NDRG2: variants seen among roughly 807,000 people sequenced by gnomAD.
NDRG2 encodes the protein NDRG family member 2.
NDRG2 carries 34 observed loss-of-function variants against 58.2 expected under a neutral mutation model. The observed-to-expected ratio is 0.58, with a 90% CI of 0.44 to 0.78. NDRG2 has a LOEUF of 0.78. Ranked by LOEUF, NDRG2 falls within the 30% of genes least tolerant of loss-of-function variation. The pLI is 0.00. For missense variants in NDRG2, 434 were observed against 471.2 expected (o/e 0.92, Z 0.73); for synonymous variants, 187 against 175.9 (o/e 1.06, Z -0.50).
At chr14:21,018,340 C>G in intron 13 of NDRG2, 101 bp from the exon 14 acceptor site, 1 of 1,602,282 alleles carries the variant, frequency 6.2e-7, no homozygotes, top group Non-Finnish European at 8.5e-7. Flanking sequence ...CACTCTAGCC[C>G]CTTTGTTTTG....
chr14:21,040,280 T>A (rs1181781514), intron 1 of NDRG2, among the ~76,000 whole-genome samples: 1 of 152,172 alleles, frequency 6.6e-6, no homozygotes, highest in Non-Finnish European at 1.5e-5. Context: ...TGCCATCTAG[T>A]GGCATTTCTC....
In NDRG2 at chr14:21,024,470, G is replaced by A. The variant is rs973299372; in HGVS notation, c.-447C>T. 2 of 964,810 alleles carry A rather than the reference G, an allele frequency of 2.1e-6. No individual in the cohort carries two copies. The highest frequency in any genetic ancestry group is 2.5e-6 in the Non-Finnish European group (2 of 811,334). The allele number at this position is 964,810 out of a possible 1,614,324, so 59.8% of individuals were successfully genotyped here. On this transcript the variant is annotated 5_prime_UTR_variant, in exon 1 of 16. Transcript: ENST00000556147. ...TCTATCTGCAGGGGGACTAAACGCG[G>A]GGGAATAGGGGATCCCCAAAATTTT...
At position 21,019,178 on chromosome 14, in the gene NDRG2, G is replaced by C; in HGVS notation, c.717-18C>G. ...CTCGGCGGCTAGAAAGGGGTTAAAA[G>C]AGTAGGAATTTTAGGTGGGCAATGC... On this transcript the variant is annotated intron_variant, in intron 10 of 15. Transcript: ENST00000556147. The C allele has an allele frequency of 6.2e-7, 1 of 1,607,282 alleles. No homozygotes were observed. The highest frequency in any genetic ancestry group is 8.5e-7 in the Non-Finnish European group (1 of 1,177,844).
At chr14:21,044,321 T>C (rs560511643) in intron 1 of NDRG2, 1 of 153,344 alleles carries the variant, frequency 6.5e-6, no homozygotes, top group African/African-American at 2.4e-5. Context: ...CCACTGCTCT[T>C]CCAACCTAGG....
upstream of NDRG2, among the ~76,000 whole-genome samples, chr14:21,028,087 C>T (rs554122921): frequency 6.6e-6 from 1 of 152,246 alleles, no homozygotes; most frequent in Admixed American, 6.5e-5. Flanking sequence ...TAGTAAATGA[C>T]ATATCTAGGA....
chr14:21,058,122 G>T, intron 1 of NDRG2: 1 of 1,614,142 alleles, frequency 6.2e-7, no homozygotes, highest in South Asian at 1.1e-5. Context: ...CCCTTCTCCA[G>T]TGTGGCCATC....
chr14:21,031,572 T>C (rs895094406), intron 1 of NDRG2, among the ~76,000 whole-genome samples: 7 of 152,112 alleles, frequency 4.6e-5, no homozygotes, highest in Non-Finnish European at 1.0e-4. Context: ...CTTTCTACAG[T>C]GGATATTGAG....
intron 1 of NDRG2, among the ~76,000 whole-genome samples, chr14:21,069,760 G>A (rs745873447): frequency 1.3e-5 from 2 of 152,202 alleles, no homozygotes; most frequent in African/African-American, 4.8e-5. Context: ...CCGGCCCTCC[G>A]CTCTCTGCTA....
At position 21,018,448 on chromosome 14, in the gene NDRG2, G is replaced by A; in HGVS notation, c.861+9C>T. On this transcript the variant is annotated intron_variant, in intron 13 of 15. Transcript: ENST00000556147. ...ACTGTGGACGGGGGCCCAGGAACAG[G>A]TTACTGACCTTGAGGAACGAGGTCT... 6.2e-7 allele frequency: 1 copy of A among 1,613,930 alleles called. No individual in the cohort carries two copies. Among genetic ancestry groups the A allele is most frequent in the Non-Finnish European group, 8.5e-7 (1 of 1,179,900 alleles).
chr14:21,067,202 A>T (rs1566513454), intron 1 of NDRG2, among the ~76,000 whole-genome samples: 1 of 152,174 alleles, frequency 6.6e-6, no homozygotes, highest in Non-Finnish European at 1.5e-5. Context: ...GGATAGCACT[A>T]GTTTTCCATA....
At chr14:21,064,993 A>C (rs1886186303) in intron 1 of NDRG2, among the ~76,000 whole-genome samples, 1 of 152,178 alleles carries the variant, frequency 6.6e-6, no homozygotes. Flanking sequence ...CAACATGCTG[A>C]AACCACATTT....
chr14:21,028,606 T>G (rs1883856447), upstream of NDRG2: 1 of 152,128 alleles, frequency 6.6e-6, no homozygotes, highest in Non-Finnish European at 1.5e-5. Flanking sequence ...AGCAAAAAGA[T>G]TTAGCAATGA....
chr14:21,056,716 C>A (rs914084137), intron 1 of NDRG2, among the ~76,000 whole-genome samples: 1 of 152,218 alleles, frequency 6.6e-6, no homozygotes, highest in South Asian at 2.1e-4. Flanking sequence ...TAGCTTGGCG[C>A]CAGCCCAAAG....
At position 21,033,661 on chromosome 14, in the gene NDRG2, T is replaced by C. The variant is rs142126624; in HGVS notation, c.25-10340A>G. The C allele has an allele frequency of 2.0e-4, 126 of 637,312 alleles. 1 individual carries two copies. In the African/African-American group the frequency reaches 2.1e-3, roughly 10 times the overall value. 39.5% of individuals were successfully genotyped at this position (637,312 alleles called of 1,614,324 possible). A position where few individuals can be genotyped will look rare whatever the true frequency, so the allele number is the denominator to read the frequency against. ...TAGAAGATAGCACCACTTTGCATGG[T>C]GATCAAAGCCCTGGACATTTTCGCA... is the stretch of plus-strand genomic sequence containing the variant. On this transcript the variant is annotated intron_variant, in intron 1 of 14. Transcript: ENST00000403829.
intron 1 of NDRG2, among the ~76,000 whole-genome samples, chr14:21,054,410 C>T (rs1190630283): frequency 6.6e-6 from 1 of 152,102 alleles, no homozygotes; most frequent in Non-Finnish European, 1.5e-5. Context: ...AGATGGCATT[C>T]AGTCTTCTTC....
chr14:21,020,806 G>C lies in NDRG2; in HGVS notation c.446C>G (p.Ala149Gly), dbSNP rs368136907. The change falls in exon 7 of 16, where the codon GCC becomes GGC. Residue 149 changes from alanine (A) to glycine (G), a missense_variant. By Grantham distance (60) the Ala-to-Gly change is moderately conservative (BLOSUM62 0). Transcript: ENST00000556147. The part of the protein sequence containing the change: ...TIIGVGVGAG[A>G]YILARYALNH... ...TACAGCATATCTCGCCAGGATGTAGGCTCCAGCTCCAACACCAACTCCAAT... is the reference window on the plus strand; with the variant it reads ...TACAGCATATCTCGCCAGGATGTAGCCTCCAGCTCCAACACCAACTCCAAT... 3.1e-6 allele frequency: 5 copies of C among 1,613,738 alleles called. No homozygotes were observed. Among genetic ancestry groups the C allele is most frequent in the East Asian group, 4.5e-5 (2 of 44,892 alleles).
intron 1 of NDRG2, among the ~76,000 whole-genome samples, chr14:21,042,682 A>G (rs1407211298): frequency 6.6e-6 from 1 of 152,134 alleles, no homozygotes; most frequent in Non-Finnish European, 1.5e-5. Flanking sequence ...ACACAGGAAC[A>G]TGGAGACACA....
Position 21,021,892 on chromosome 14 carries a change from G to A in NDRG2, c.345-13C>T, listed in dbSNP as rs1181157351. On this transcript the variant is annotated splice_polypyrimidine_tract_variant and intron_variant, in intron 5 of 15. Transcript: ENST00000556147. ...TGGGTACTGATATCTGGAAAAGAGAGGCATGTTAAGGAAGATACCAACCTG... is the reference window on the plus strand; with the variant it reads ...TGGGTACTGATATCTGGAAAAGAGAAGCATGTTAAGGAAGATACCAACCTG... The A allele has an allele frequency of 3.1e-6, 5 of 1,612,354 alleles. No individual in the cohort carries two copies. In the African/African-American group the frequency reaches 4.0e-5, roughly 13 times the overall value.
rs549616477 is a variant in NDRG2, at chr14:21,046,874, T to G, written c.25-23553A>C. 3.3e-5 allele frequency: 5 copies of G among 152,342 alleles called. No homozygotes were observed. In the South Asian group the frequency reaches 1.0e-3, roughly 32 times the overall value. 9.4% of individuals were successfully genotyped at this position (152,342 alleles called of 1,614,324 possible). A position where few individuals can be genotyped will look rare whatever the true frequency, so the allele number is the denominator to read the frequency against. ...AAGAAAAAAATATTTACTATTCGTT[T>G]AGTGGAAGTGGCTCATCATAAAAGT... is the stretch of plus-strand genomic sequence containing the variant. On this transcript the variant is annotated intron_variant, in intron 1 of 14. Transcript: ENST00000403829.
Sources: gnomAD v4.1 joint callset for allele counts (sites outside exome capture counted in the v4.1 genomes callset) on GRCh38, gnomAD v4.1.1 for gene constraint, MANE v1.5 for transcripts, NCBI Gene and HGNC (gene_info 2026-07-23, HGNC 2026-07-21) for gene names.